The following PLEKHM3 variants were observed in gnomAD, a reference collection of about 807,000 sequenced individuals.
PLEKHM3 encodes pleckstrin homology domain-containing family M member 3.
PLEKHM3 carries 45 observed loss-of-function variants against 81.8 expected under a neutral mutation model. The observed-to-expected ratio is 0.55, with a 90% CI of 0.43 to 0.71. The LOEUF (loss-of-function observed/expected upper bound fraction) is 0.71, where lower values mean the gene tolerates loss of function less well. Ranked by LOEUF, PLEKHM3 falls within the 30% of genes least tolerant of loss-of-function variation. The pLI, the probability that PLEKHM3 is intolerant of heterozygous loss-of-function variation, is 0.00. For missense variants in PLEKHM3, 788 were observed against 924.3 expected, an observed-to-expected ratio of 0.85 and a Z score of 1.91; for synonymous variants, 352 against 356.4, an observed-to-expected ratio of 0.99 and a Z score of 0.14.
In PLEKHM3 at chr2:207,946,394, G is replaced by T. The variant is rs1375256310; in HGVS notation, c.1665C>A (p.Val555=). The T allele has an allele frequency of 6.2e-7, 1 of 1,614,082 alleles. No homozygotes were observed. The highest frequency in any genetic ancestry group is 8.5e-7 in the Non-Finnish European group (1 of 1,179,980). ...TATACTTTGAAGTATCCCAGTTGTG[G>T]ACTATGCGTGCTGGAATGAGAAAGC... ...DDSFLIPARI[V]HNWDTSKYKV... Residue 555 remains valine (V), a synonymous_variant, in exon 4 of 8, where the codon GTC becomes GTA. Transcript: ENST00000427836.
rs77619113 is a variant in PLEKHM3, at chr2:207,995,970, G to A, written c.610+5060C>T. Among the ~76,000 whole-genome samples the A allele has an allele frequency of 3.8e-3, 586 of 152,310 alleles. 1 individual carries two copies. The highest frequency in any genetic ancestry group is 0.013 in the African/African-American group (549 of 41,578). On this transcript the variant is annotated intron_variant, in intron 2 of 7. Coordinates refer to ENST00000427836, the MANE Select transcript of PLEKHM3 (RefSeq NM_001080475.3). Reference sequence around the variant, plus strand: ...AAAACGTTATAAAATTATCTCAAATGATTGCCAACTTCGGACAGACTAAAG... The same window carrying A: ...AAAACGTTATAAAATTATCTCAAATAATTGCCAACTTCGGACAGACTAAAG...
chr2:207,923,906 T>TATATATATATATATA (rs1491270678), intron 5 of PLEKHM3, among the ~76,000 whole-genome samples: 10 of 59,748 alleles, frequency 1.7e-4, no homozygotes, highest in African/African-American at 4.3e-4. Context: ...TATATATATA[T>TATATATATATATATA]TTTTTTTTTT....
At chr2:208,010,918 T>G (rs980593352) in intron 1 of PLEKHM3, among the ~76,000 whole-genome samples, 12 of 152,098 alleles carry the variant, frequency 7.9e-5, no homozygotes, top group African/African-American at 2.9e-4. Context: ...ATTTTTCACA[T>G]GCATGGTTTA....
chr2:207,986,671 T>G lies in PLEKHM3; in HGVS notation c.611-9085A>C, dbSNP rs577114732. ...ATAGACTTCTCCATCATTACAAATT[T>G]TTTTGTTTTTTTTTTTTCAGACAGG... On this transcript the variant is annotated intron_variant, in intron 2 of 7. Transcript: ENST00000427836. Among the ~76,000 whole-genome samples, 10 of 90,682 alleles carry G rather than the reference T, an allele frequency of 1.1e-4. No individual in the cohort carries two copies. In the East Asian group the frequency reaches 2.5e-3, roughly 23 times the overall value. The allele number at this position is 90,682 out of a possible 152,430, so 59.5% of individuals were successfully genotyped here.
chr2:207,994,854 C>A (rs1559275011), intron 2 of PLEKHM3, among the ~76,000 whole-genome samples: 1 of 152,128 alleles, frequency 6.6e-6, no homozygotes, highest in East Asian at 1.9e-4. Flanking sequence ...CTGGTGGCAA[C>A]CTTCATCCAC....
intron 6 of PLEKHM3, among the ~76,000 whole-genome samples, chr2:207,879,212 T>C (rs1409909141): frequency 6.6e-6 from 1 of 152,212 alleles, no homozygotes; most frequent in South Asian, 2.1e-4. Context: ...AGAGCTAATA[T>C]GCATCAAAAC....
At chr2:207,997,987 C>A (rs1269847715) in intron 2 of PLEKHM3, among the ~76,000 whole-genome samples, 1 of 152,110 alleles carries the variant, frequency 6.6e-6, no homozygotes, top group East Asian at 1.9e-4. Flanking sequence ...ATTGGCACAC[C>A]CCTCCACAAA....
intron 1 of PLEKHM3, among the ~76,000 whole-genome samples, chr2:208,021,112 T>C (rs1203180449): frequency 2.6e-5 from 4 of 152,250 alleles, no homozygotes; most frequent in Non-Finnish European, 5.9e-5. Flanking sequence ...TAATAGAGTA[T>C]GTCAAGTATC....
intron 6 of PLEKHM3, among the ~76,000 whole-genome samples, chr2:207,870,539 AC>A (rs1376692117): frequency 6.6e-6 from 1 of 152,260 alleles, no homozygotes; most frequent in East Asian, 1.9e-4. Context: ...ACATTGTCAC[AC>A]ATTGTGAAAT....
chr2:207,921,395 A>G (rs564253408), intron 5 of PLEKHM3, among the ~76,000 whole-genome samples: 1 of 152,238 alleles, frequency 6.6e-6, no homozygotes, highest in East Asian at 1.9e-4. Context: ...TGGACATATA[A>G]TGATATGTAT....
chr2:207,896,940 T>A (rs1688244631), intron 6 of PLEKHM3, among the ~76,000 whole-genome samples: 1 of 152,190 alleles, frequency 6.6e-6, no homozygotes, highest in South Asian at 2.1e-4. Context: ...TGAAAAGACG[T>A]CTGTGCATAG....
chr2:207,849,033 C>A (rs750815453), intron 7 of PLEKHM3, among the ~76,000 whole-genome samples: 1 of 152,138 alleles, frequency 6.6e-6, no homozygotes, highest in Non-Finnish European at 1.5e-5. Flanking sequence ...AGAAAATATT[C>A]TTTAAATGTG....
chr2:207,912,591 C>T (rs958300966), intron 5 of PLEKHM3, among the ~76,000 whole-genome samples: 15 of 152,198 alleles, frequency 9.9e-5, no homozygotes, highest in Non-Finnish European at 2.1e-4. Flanking sequence ...ATGCCAATCA[C>T]CTTTTTTTCT....
At chr2:207,886,933 A>G (rs1687902686) in intron 6 of PLEKHM3, among the ~76,000 whole-genome samples, 1 of 152,204 alleles carries the variant, frequency 6.6e-6, no homozygotes, top group Non-Finnish European at 1.5e-5. Context: ...CATGACCCTG[A>G]GTAATTTACC....
chr2:207,902,536 C>G (rs2105891510), intron 6 of PLEKHM3, among the ~76,000 whole-genome samples: 1 of 152,190 alleles, frequency 6.6e-6, no homozygotes, highest in East Asian at 1.9e-4. Context: ...TGTGGGTATG[C>G]TGGACTAGCA....
intron 5 of PLEKHM3, among the ~76,000 whole-genome samples, chr2:207,924,411 G>A (rs1004783642): frequency 1.3e-5 from 2 of 151,980 alleles, no homozygotes; most frequent in African/African-American, 2.4e-5. Context: ...AAGGCCAGGT[G>A]TGGCAGCTCA....
Position 207,976,550 on chromosome 2 carries a change from T to C in PLEKHM3, c.1546+101A>G. 2.7e-6 allele frequency: 3 copies of C among 1,110,840 alleles called. No homozygotes were observed. The highest frequency in any genetic ancestry group is 3.8e-6 in the Non-Finnish European group (3 of 786,748). The allele number at this position is 1,110,840 out of a possible 1,614,324, so 68.8% of individuals were successfully genotyped here. On this transcript the variant is annotated intron_variant, in intron 3 of 7. Coordinates refer to ENST00000427836, the MANE Select transcript of PLEKHM3 (RefSeq NM_001080475.3). The surrounding 1 kb of genome is among the most constrained non-coding windows in gnomAD (Gnocchi z 4.1). ...AGAGATACTTTTTATAAACAGGAGA[T>C]AGCTGTGACTAGCCTATTAAGGGGA...
intron 4 of PLEKHM3, 71 bp from the exon 5 acceptor site, chr2:207,931,190 C>T: frequency 7.3e-7 from 1 of 1,370,262 alleles, no homozygotes; most frequent in Non-Finnish European, 9.9e-7. Context: ...AACTAGGAAC[C>T]ATAGCTGAAA....
chr2:207,856,512 T>C (rs2092438415), intron 7 of PLEKHM3, among the ~76,000 whole-genome samples: 1 of 152,244 alleles, frequency 6.6e-6, no homozygotes, highest in East Asian at 1.9e-4. Context: ...ATCTTTTTAC[T>C]GTCTGTATAG....
Sources: allele counts gnomAD v4.1 joint callset (sites outside exome capture counted in the v4.1 genomes callset), GRCh38; gene constraint gnomAD v4.1.1; non-coding constraint Gnocchi (gnomAD v3.1); transcripts MANE v1.5; gene names NCBI Gene and HGNC (gene_info 2026-07-23, HGNC 2026-07-21).